MYB: variants seen among roughly 807,000 people sequenced by gnomAD.
The protein encoded by MYB is transcriptional activator Myb.
A neutral mutation model predicts 92.9 loss-of-function variants in MYB; 28 were observed. The ratio of observed to expected loss-of-function variants is 0.30; its 90% CI spans 0.22 to 0.41. The LOEUF is 0.41. Ranked by LOEUF, MYB falls within the 10% of genes least tolerant of loss-of-function variation. The pLI is 1.00. For synonymous variants in MYB, 295 were observed against 329.1 expected, an observed-to-expected ratio of 0.90 and a Z score of 1.12; for missense variants, 679 against 929.3, an observed-to-expected ratio of 0.73 and a Z score of 3.50.
chr6:135,202,792 G>C (rs1393041593), intron 14 of MYB: 1 of 394,032 alleles, frequency 2.5e-6, no homozygotes, highest in Admixed American at 3.0e-5. Context: ...AGAAGGTCTT[G>C]TTCTAAATTC....
chr6:135,188,500 T>TG (rs1554249300), intron 3 of MYB, among the ~76,000 whole-genome samples: 1 of 151,418 alleles, frequency 6.6e-6, no homozygotes, highest in Non-Finnish European at 1.5e-5. Context: ...TTCTTTTTTT[T>TG]TTTTTTGTTT....
Position 135,219,161 on chromosome 6 carries a change from T to G in MYB, c.*1181T>G, listed in dbSNP as rs1780774311. 4.7e-6 allele frequency: 1 copy of G among 211,386 alleles called. No homozygotes were observed. Among genetic ancestry groups the G allele is most frequent in the Non-Finnish European group, 9.6e-6 (1 of 103,876 alleles). 13.1% of individuals were successfully genotyped at this position (211,386 alleles called of 1,614,324 possible). ...CTTGTAGCAAAATAAAGATGTGCCCTTATTTTACCTACTTTTGTTTTCTCT... is the reference window on the plus strand; with the variant it reads ...CTTGTAGCAAAATAAAGATGTGCCCGTATTTTACCTACTTTTGTTTTCTCT... On this transcript the variant is annotated 3_prime_UTR_variant, in exon 16 of 16. Transcript: ENST00000341911.
intron 9 of MYB, 169 bp from the exon 10 acceptor site, chr6:135,196,792 T>C (rs938037034): frequency 2.6e-5 from 41 of 1,556,304 alleles, no homozygotes; most frequent in Non-Finnish European, 3.4e-5. Flanking sequence ...CACTAGACCC[T>C]GCTCTACTGC....
chr6:135,215,076 C>G (rs558390377), intron 15 of MYB, among the ~76,000 whole-genome samples: 1 of 152,174 alleles, frequency 6.6e-6, no homozygotes, highest in Non-Finnish European at 1.5e-5. Context: ...GTGAACATTT[C>G]TATTCATAGA....
intron 15 of MYB, among the ~76,000 whole-genome samples, chr6:135,217,303 A>T (rs1780585552): frequency 6.6e-6 from 1 of 151,980 alleles, no homozygotes; most frequent in Admixed American, 6.6e-5. Context: ...CAGGAGGCTG[A>T]GGCTACAGTG....
rs1013477334 is a variant in MYB at position 135,181,442 on chromosome 6, C to A, written c.-72C>A. Reference sequence around the variant, plus strand: ...GCAGCCGGGGAGGGACGCAGGCAGGCGGCGGGCAGCGGGAGGCGGCAGCCC... The same window carrying A: ...GCAGCCGGGGAGGGACGCAGGCAGGAGGCGGGCAGCGGGAGGCGGCAGCCC... On this transcript the variant is annotated 5_prime_UTR_variant, in exon 1 of 16. Coordinates refer to ENST00000341911, the MANE Select transcript of MYB (RefSeq NM_001130173.2). This position sits in a 1 kb window ranked among gnomAD's most constrained non-coding sequence, Gnocchi z 5.3. 2.9e-6 allele frequency: 3 copies of A among 1,046,400 alleles called. No individual in the cohort carries two copies. The highest frequency in any genetic ancestry group is 3.4e-5 in the African/African-American group (2 of 58,396). 64.8% of individuals were successfully genotyped at this position (1,046,400 alleles called of 1,614,324 possible).
chr6:135,197,711 AG>A (rs892364212), intron 10 of MYB, among the ~76,000 whole-genome samples: 1 of 152,208 alleles, frequency 6.6e-6, no homozygotes, highest in African/African-American at 2.4e-5. Context: ...TCACTGACCC[AG>A]GGGAGGAGGG....
intron 15 of MYB, among the ~76,000 whole-genome samples, chr6:135,204,237 TGA>T (rs1337583276): frequency 6.6e-6 from 1 of 152,198 alleles, no homozygotes; most frequent in Non-Finnish European, 1.5e-5. Context: ...TTCCAAATTG[TGA>T]GAATCTGAAA....
At position 135,186,002 on chromosome 6, in the gene MYB, A is replaced by C. The variant is rs1775853168; in HGVS notation, c.123A>C (p.Thr41=). 1 of 1,613,952 alleles carries C rather than the reference A, an allele frequency of 6.2e-7. No individual in the cohort carries two copies. Among genetic ancestry groups the C allele is most frequent in the African/African-American group, 1.3e-5 (1 of 75,032 alleles). ...PKSGKRHLGK[T]RWTREEDEKL... is the part of the protein sequence containing the mutation. ...CTGGAAAGCGTCACTTGGGGAAAAC[A>C]AGGTGGACCCGGGAAGAGGTAACTA... Residue 41 remains threonine (T), a synonymous_variant, in exon 2 of 16, where the codon ACA becomes ACC. Transcript: ENST00000341911.
intron 15 of MYB, among the ~76,000 whole-genome samples, chr6:135,208,941 A>G (rs1036027651): frequency 1.3e-5 from 2 of 152,230 alleles, no homozygotes; most frequent in African/African-American, 4.8e-5. Context: ...GTGCTGTCTA[A>G]TAGAACTTCT....
intron 10 of MYB, 44 bp downstream of exon 10, chr6:135,197,367 C>A: frequency 7.0e-7 from 1 of 1,435,098 alleles, no homozygotes; most frequent in Non-Finnish European, 9.5e-7. Context: ...TTTCAACAGA[C>A]ACCTGAGCCT....
Position 135,182,068 on chromosome 6 carries a change from C to T in MYB, c.23+532C>T, listed in dbSNP as rs1008400167. On this transcript the variant is annotated intron_variant, in intron 1 of 15. Coordinates refer to ENST00000341911, the MANE Select transcript of MYB (RefSeq NM_001130173.2). This position sits in a 1 kb window ranked among gnomAD's most constrained non-coding sequence, Gnocchi z 5.6. ...AGGACCAGTGTCAGCTGACAGGCGG[C>T]TGAAAAGCAGATTTTAGGGGGATAA... 6.6e-6 allele frequency among the ~76,000 whole-genome samples: 1 copy of T among 152,202 alleles called. No individual in the cohort carries two copies. Among genetic ancestry groups the T allele is most frequent in the Non-Finnish European group, 1.5e-5 (1 of 68,026 alleles).
At chr6:135,203,770 A>G in intron 15 of MYB, 2 of 1,325,094 alleles carry the variant, frequency 1.5e-6, no homozygotes, top group South Asian at 2.5e-5. Context: ...AATTAGTCAG[A>G]CAGAAAATAA....
At chr6:135,215,184 T>C (rs1213372575) in intron 15 of MYB, among the ~76,000 whole-genome samples, 1 of 152,184 alleles carries the variant, frequency 6.6e-6, no homozygotes, top group Non-Finnish European at 1.5e-5. Flanking sequence ...GTCAGGAAAC[T>C]TTGTTGCAGC....
intron 15 of MYB, among the ~76,000 whole-genome samples, chr6:135,209,925 G>A (rs777414469): frequency 9.2e-5 from 14 of 152,144 alleles, no homozygotes; most frequent in Non-Finnish European, 1.9e-4. Context: ...TTATAAAATG[G>A]TCACAAATGA....
chr6:135,192,703 A>G, intron 6 of MYB, 145 bp downstream of exon 6: 1 of 739,600 alleles, frequency 1.4e-6, no homozygotes, highest in South Asian at 1.7e-5. Flanking sequence ...TTTGAAGTAG[A>G]TAGGGTGTAG....
intron 1 of MYB, among the ~76,000 whole-genome samples, chr6:135,184,009 C>T (rs947905829): frequency 6.6e-6 from 1 of 152,156 alleles, no homozygotes; most frequent in South Asian, 2.1e-4. Context: ...TGTTGATTCC[C>T]GTGCTCTCAC....
Position 135,197,078 on chromosome 6 carries a change from A to T in MYB, c.1321A>T (p.Thr441Ser). 1 of 1,614,038 alleles carries T rather than the reference A, an allele frequency of 6.2e-7. No individual in the cohort carries two copies. Among genetic ancestry groups the T allele is most frequent in the Non-Finnish European group, 8.5e-7 (1 of 1,179,908 alleles). Residue 441 changes from threonine (T) to serine (S), a missense_variant, in exon 10 of 16, where the codon ACT (threonine) becomes TCT (serine). Around this residue, in one of 8 missense-constraint regions of MYB, gnomAD observed 402 missense variants for 434.2 expected, o/e 0.93. Coordinates refer to ENST00000341911, the MANE Select transcript of MYB (RefSeq NM_001130173.2). ...GCTTCAGCAAAGAGAGGGCAATGGGACTAAACCTGCAGGAGAACCTAGCCC... is the reference window on the plus strand; with the variant it reads ...GCTTCAGCAAAGAGAGGGCAATGGGTCTAAACCTGCAGGAGAACCTAGCCC... Reference protein sequence around the residue: ...LQLQQREGNGTKPAGEPSPRV... With the variant: ...LQLQQREGNGSKPAGEPSPRV...
At chr6:135,214,743 TTTTG>T (rs2128323203) in intron 15 of MYB, among the ~76,000 whole-genome samples, 1 of 152,326 alleles carries the variant, frequency 6.6e-6, no homozygotes, top group South Asian at 2.1e-4. Flanking sequence ...TAACATTAAA[TTTTG>T]TTTTTTAATT....
Sources: allele counts gnomAD v4.1 joint callset (sites outside exome capture counted in the v4.1 genomes callset), GRCh38; gene constraint gnomAD v4.1.1; regional missense constraint gnomAD v4.1.1; non-coding constraint Gnocchi (gnomAD v3.1); transcripts MANE v1.5; gene names NCBI Gene and HGNC (gene_info 2026-07-23, HGNC 2026-07-21).